Variants in SAMD4A observed in about 807,000 individuals in gnomAD.
The protein encoded by SAMD4A is protein Smaug homolog 1.
SAMD4A carries 33 observed loss-of-function variants against 81.3 expected under a neutral mutation model. The ratio of observed to expected loss-of-function variants is 0.41; its 90% CI spans 0.31 to 0.54. SAMD4A has a LOEUF of 0.54. SAMD4A is among the 20% of genes least tolerant of loss of function. The probability of loss-of-function intolerance (pLI) is 0.37; values close to 1 mark genes in which losing one functional copy is unlikely to be tolerated. For missense variants in SAMD4A, 854 were observed against 951.1 expected (o/e 0.90, Z 1.34); for synonymous variants, 389 against 382.1 (o/e 1.02, Z -0.21).
chr14:54,566,891 G>A (rs1373685917), upstream of SAMD4A, among the ~76,000 whole-genome samples: 3 of 152,142 alleles, frequency 2.0e-5, no homozygotes, highest in Admixed American at 2.0e-4. Context: ...TGGGCGCGGA[G>A]CTTTGGGTGG....
intron 2 of SAMD4A, among the ~76,000 whole-genome samples, chr14:54,669,817 G>A (rs945309334): frequency 1.3e-5 from 2 of 152,162 alleles, no homozygotes. Context: ...GACGTTGCCA[G>A]CATGCAGGGA....
At position 54,568,047 on chromosome 14, in the gene SAMD4A, G is replaced by A; in HGVS notation, c.131G>A (p.Cys44Tyr). The A allele has an allele frequency of 6.3e-7, 1 of 1,598,444 alleles. No individual in the cohort carries two copies. Among genetic ancestry groups the A allele is most frequent in the Non-Finnish European group, 8.5e-7 (1 of 1,177,614 alleles). Residue 44 changes from cysteine to tyrosine, a missense_variant, in exon 2 of 13, where the codon TGC (cysteine) becomes TAC (tyrosine). Physicochemically the swap from Cys to Tyr is radical, Grantham distance 194 (BLOSUM62 -2). Transcript: ENST00000554335. ...SQTQARFLQL[C>Y]LEHSLADCAE... ...ACCCAGGCCCGCTTCCTCCAGCTCT[G>A]CCTGGAGCACTCGCTGGCCGACTGC...
At chr14:54,616,656 T>A (rs965558404) in intron 2 of SAMD4A, among the ~76,000 whole-genome samples, 2 of 152,232 alleles carry the variant, frequency 1.3e-5, no homozygotes, top group African/African-American at 4.8e-5. Context: ...TACTTAATAA[T>A]ATGGAACCCA....
intron 2 of SAMD4A, among the ~76,000 whole-genome samples, chr14:54,614,888 G>T (rs563164843): frequency 1.3e-5 from 2 of 152,334 alleles, no homozygotes; most frequent in East Asian, 1.9e-4. Flanking sequence ...AGTCAGAGGG[G>T]AGACCAGGAT....
At chr14:54,576,802 C>A (rs1212968) in intron 2 of SAMD4A, among the ~76,000 whole-genome samples, 116,146 of 152,106 alleles carry the variant, frequency 0.76, 45,121 homozygotes, top group Non-Finnish European at 0.84. Flanking sequence ...GTGGCTTTAG[C>A]GTGGTTTCAG....
chr14:54,776,853 G>GTA (rs1028980475), intron 11 of SAMD4A, among the ~76,000 whole-genome samples: 18 of 97,080 alleles, frequency 1.9e-4, no homozygotes, highest in Admixed American at 1.2e-3. Flanking sequence ...GGCTCCATGT[G>GTA]TAGTGTGTGT....
rs540348478 is a variant in SAMD4A, at chr14:54,716,868, G to A, written c.715+14288G>A. On this transcript the variant is annotated intron_variant, in intron 3 of 12. Coordinates refer to ENST00000554335, the MANE Select transcript of SAMD4A (RefSeq NM_015589.6). ...ACAAGTCACATTTATATGAAGTTGC[G>A]GGGCAGGGCAGGTGGCAGCTACAAT... Among the ~76,000 whole-genome samples, 19 of 152,090 alleles carry A rather than the reference G, an allele frequency of 1.2e-4. No individual in the cohort carries two copies. In the South Asian group the frequency reaches 3.8e-3, roughly 30 times the overall value.
intron 6 of SAMD4A, among the ~76,000 whole-genome samples, chr14:54,752,474 T>C (rs1317914992): frequency 6.6e-6 from 1 of 152,144 alleles, no homozygotes; most frequent in Non-Finnish European, 1.5e-5. Context: ...CAGGGAGCTT[T>C]TGGATTTTGG....
rs572098971 is a variant in SAMD4A at position 54,590,251 on chromosome 14, G to C, written c.196+22139G>C. Among the ~76,000 whole-genome samples, 9 of 152,300 alleles carry C rather than the reference G, an allele frequency of 5.9e-5. No homozygotes were observed. The South Asian group carries it at 1.9e-3, about 32-fold the overall frequency. The stretch of plus-strand genomic sequence containing the variant: ...CGCCTGTAACCCCAGCATTTTGGGA[G>C]GCCAACATAGGAGGATTGCTTGAGC... On this transcript the variant is annotated intron_variant, in intron 2 of 12. Transcript: ENST00000554335.
intron 8 of SAMD4A, among the ~76,000 whole-genome samples, chr14:54,768,561 C>CAACA (rs531496553): frequency 2.0e-5 from 3 of 152,234 alleles, no homozygotes; most frequent in Non-Finnish European, 4.4e-5. Context: ...TGTCCTCACA[C>CAACA]AACATGTGGC....
rs1222230886 is a variant in SAMD4A at position 54,760,249 on chromosome 14, G to A, written c.1265G>A (p.Ser422Asn). 1 of 1,613,164 alleles carries A rather than the reference G, an allele frequency of 6.2e-7. No homozygotes were observed. Residue 422 changes from serine to asparagine, a missense_variant, in exon 7 of 13, where the codon AGC becomes AAC. Physicochemically the swap from Ser to Asn is conservative, Grantham distance 46. This residue lies in a region of SAMD4A where 428 missense variants were observed against 471.2 expected (regional missense o/e 0.91). Transcript: ENST00000554335. ...CCGATCAAGGCCTACAGCTCCCCGA[G>A]CACCACCCCCGAGGCTCGCCGCCGG... ...LTPIKAYSSP[S>N]TTPEARRREP...
At chr14:54,641,846 T>A (rs1251071980) in intron 2 of SAMD4A, among the ~76,000 whole-genome samples, 1 of 151,984 alleles carries the variant, frequency 6.6e-6, no homozygotes, top group African/African-American at 2.4e-5. Flanking sequence ...CACCCAGGCT[T>A]GAGTACAGTG....
At chr14:54,625,049 A>G (rs934572345) in intron 2 of SAMD4A, among the ~76,000 whole-genome samples, 5 of 152,172 alleles carry the variant, frequency 3.3e-5, no homozygotes, top group African/African-American at 9.7e-5. Flanking sequence ...ACACTGTGCT[A>G]CTATGGCAAA....
chr14:54,605,576 A>T (rs1566543497), intron 2 of SAMD4A, among the ~76,000 whole-genome samples: 1 of 152,188 alleles, frequency 6.6e-6, no homozygotes, highest in Non-Finnish European at 1.5e-5. Flanking sequence ...GAATACCTAA[A>T]CTGACAATTC....
chr14:54,665,780 A>G (rs2035745210), intron 2 of SAMD4A, among the ~76,000 whole-genome samples: 1 of 152,212 alleles, frequency 6.6e-6, no homozygotes, highest in Admixed American at 6.5e-5. Flanking sequence ...TTCTGGGTCT[A>G]GAATAACTAA....
chr14:54,743,119 C>T (rs17127863), intron 4 of SAMD4A, among the ~76,000 whole-genome samples: 23,178 of 152,056 alleles, frequency 0.15, 1,917 homozygotes, highest in African/African-American at 0.2. Context: ...GTTGCAGATA[C>T]AGCAGTTCTG....
intron 2 of SAMD4A, among the ~76,000 whole-genome samples, chr14:54,698,371 G>A (rs867428105): frequency 5.9e-5 from 9 of 152,254 alleles, no homozygotes; most frequent in South Asian, 2.1e-4. Context: ...TTATGGCCAC[G>A]CTGTTGTAGC....
intron 2 of SAMD4A, among the ~76,000 whole-genome samples, chr14:54,644,064 T>C (rs2035232878): frequency 1.3e-5 from 2 of 152,178 alleles, no homozygotes; most frequent in Non-Finnish European, 1.5e-5. Flanking sequence ...GGCAAACCAC[T>C]GGGAAGGCCT....
At chr14:54,645,659 A>G (rs1566564205) in intron 2 of SAMD4A, among the ~76,000 whole-genome samples, 1 of 152,260 alleles carries the variant, frequency 6.6e-6, no homozygotes, top group Non-Finnish European at 1.5e-5. Context: ...ACATTATGGA[A>G]GCATCAAAGT....
Sources: gnomAD v4.1 joint callset for allele counts (sites outside exome capture counted in the v4.1 genomes callset) on GRCh38, gnomAD v4.1.1 for gene constraint, gnomAD v4.1.1 regional missense constraint, MANE v1.5 for transcripts, NCBI Gene and HGNC (gene_info 2026-07-23, HGNC 2026-07-21) for gene names.